EML6: variants seen among roughly 807,000 people sequenced by gnomAD.
EML6 encodes EMAP like 6.
EML6 carries 154 observed loss-of-function variants against 240.1 expected under a neutral mutation model. The ratio of observed to expected loss-of-function variants is 0.64; its 90% confidence interval spans 0.56 to 0.73. The LOEUF (loss-of-function observed/expected upper bound fraction) is 0.73, where lower values mean the gene tolerates loss of function less well. Ranked by LOEUF, EML6 falls within the 30% of genes least tolerant of loss-of-function variation. EML6 has a pLI of 0.00. For synonymous variants in EML6, 1,148 were observed against 899.0 expected (o/e 1.28, Z -4.95); for missense variants, 2,964 against 2,474.6 (o/e 1.20, Z -4.20).
rs150016939 is a variant in EML6, at chr2:54,858,306, C to T, written c.1658-1228C>T. On this transcript the variant is annotated intron_variant, in intron 11 of 41. Coordinates refer to ENST00000356458, the MANE Select transcript of EML6 (RefSeq NM_001039753.4). The stretch of plus-strand genomic sequence containing the variant: ...TTTATAACCTCCTCTTAGATGTCAG[C>T]TTCACTTTTGCCATATTCTGTTCAT... Among the ~76,000 whole-genome samples, 218 of 152,340 alleles carry T rather than the reference C, an allele frequency of 1.4e-3. 2 individuals are homozygous for T. The highest frequency in any genetic ancestry group is 5.0e-3 in the African/African-American group (209 of 41,572).
At chr2:54,939,786 G>A (rs1675335229) in intron 28 of EML6, among the ~76,000 whole-genome samples, 1 of 152,184 alleles carries the variant, frequency 6.6e-6, no homozygotes, top group South Asian at 2.1e-4. Context: ...ACAAGTCTAG[G>A]GGTGTGTCCC....
intron 17 of EML6, among the ~76,000 whole-genome samples, chr2:54,890,787 A>G (rs1477510709): frequency 6.6e-6 from 1 of 152,226 alleles, no homozygotes; most frequent in East Asian, 1.9e-4. Context: ...GAGACATTAC[A>G]ATATGTTTTA....
At chr2:54,964,543 G>A in intron 37 of EML6, 28 bp from the exon 38 acceptor site, 1 of 1,551,096 alleles carries the variant, frequency 6.4e-7, no homozygotes, top group Non-Finnish European at 8.7e-7. Flanking sequence ...CCTCCTCATG[G>A]ACTCTGCTCT....
At chr2:54,922,936 T>A (rs1161938184) in intron 26 of EML6, among the ~76,000 whole-genome samples, 7 of 65,058 alleles carry the variant, frequency 1.1e-4, no homozygotes, top group Admixed American at 3.0e-4. Context: ...GTATAAACTT[T>A]TTTTTTTTTT....
rs373511578 is a variant in EML6, at chr2:54,910,947, G to C, written c.3410-7G>C. ...AATTATCTCTCTACTTCGTTCTGTCGTAACAGGAAAATTATTGCAAGTGAA... is the reference window on the plus strand; with the variant it reads ...AATTATCTCTCTACTTCGTTCTGTCCTAACAGGAAAATTATTGCAAGTGAA... On this transcript the variant is annotated splice_polypyrimidine_tract_variant and splice_region_variant and intron_variant, in intron 24 of 41. Transcript: ENST00000356458. 42 of 1,506,812 alleles carry C rather than the reference G, an allele frequency of 2.8e-5. No homozygotes were observed. The highest frequency in any genetic ancestry group is 1.8e-4 in the Admixed American group (9 of 50,682). 93.3% of individuals were successfully genotyped at this position (1,506,812 alleles called of 1,614,324 possible).
At chr2:54,871,147 C>G (rs1184894565) in intron 15 of EML6, among the ~76,000 whole-genome samples, 1 of 152,194 alleles carries the variant, frequency 6.6e-6, no homozygotes, top group Non-Finnish European at 1.5e-5. Context: ...GTACAAGTGA[C>G]TTCCCTGACT....
Position 54,950,647 on chromosome 2 carries a change from C to T in EML6, c.4084-3C>T, listed in dbSNP as rs1463722885. 2.6e-6 allele frequency: 4 copies of T among 1,551,520 alleles called. No individual in the cohort carries two copies. The highest frequency in any genetic ancestry group is 2.4e-5 in the East Asian group (1 of 40,920). On this transcript the variant is annotated splice_polypyrimidine_tract_variant and splice_region_variant and intron_variant, in intron 29 of 41. Coordinates refer to ENST00000356458, the MANE Select transcript of EML6 (RefSeq NM_001039753.4). ...TCACATTGATCTGTGTGTGTGAATG[C>T]AGGAGCTGGCTCTAGACCACGTGTT...
rs1670217318 is a variant in EML6 at position 54,853,690 on chromosome 2, G to A, written c.1492G>A (p.Ala498Thr). 6.5e-7 allele frequency: 1 copy of A among 1,549,916 alleles called. No homozygotes were observed. Among genetic ancestry groups the A allele is most frequent in the African/African-American group, 1.4e-5 (1 of 73,022 alleles). Residue 498 changes from alanine to threonine, a missense_variant, in exon 11 of 42, where the codon GCC becomes ACC. Ala to Thr is a moderately conservative substitution (Grantham distance 58). Coordinates refer to ENST00000356458, the MANE Select transcript of EML6 (RefSeq NM_001039753.4). ...SKEEIKGIPW[A>T]SWTCVKGPEV... is the part of the protein sequence containing the mutation. Reference sequence around the variant, plus strand: ...AGAAGAAATTAAAGGGATTCCTTGGGCCTCCTGGACATGCGTGAAAGGCCC... The same window carrying A: ...AGAAGAAATTAAAGGGATTCCTTGGACCTCCTGGACATGCGTGAAAGGCCC...
chr2:54,881,694 C>T (rs13385373), intron 17 of EML6: 95,080 of 149,472 alleles, frequency 0.64, 30,908 homozygotes, highest in African/African-American at 0.75. Flanking sequence ...ATGATAGAAG[C>T]GACAACGAAG....
intron 11 of EML6, among the ~76,000 whole-genome samples, chr2:54,856,292 C>G (rs984183321): frequency 6.6e-6 from 1 of 152,172 alleles, no homozygotes; most frequent in African/African-American, 2.4e-5. Flanking sequence ...AAATCCAAGG[C>G]CTTGCTCAAT....
chr2:54,883,726 A>G (rs964361999), intron 17 of EML6, among the ~76,000 whole-genome samples: 13 of 152,328 alleles, frequency 8.5e-5, no homozygotes, highest in African/African-American at 2.6e-4. Context: ...ACACACATGC[A>G]CATGTGTGCA....
At chr2:54,821,576 A>G (rs1668336639) in intron 5 of EML6, among the ~76,000 whole-genome samples, 1 of 152,152 alleles carries the variant, frequency 6.6e-6, no homozygotes, top group Admixed American at 6.5e-5. Context: ...AATAATGACA[A>G]TAACTATGAA....
chr2:54,856,098 G>C (rs73938635), intron 11 of EML6, among the ~76,000 whole-genome samples: 17,578 of 152,200 alleles, frequency 0.12, 1,413 homozygotes, highest in African/African-American at 0.22. Context: ...TTAGACGTAA[G>C]TGTTCTGCAG....
At chr2:54,948,223 C>T (rs1675787779) in intron 28 of EML6, among the ~76,000 whole-genome samples, 1 of 152,158 alleles carries the variant, frequency 6.6e-6, no homozygotes, top group Non-Finnish European at 1.5e-5. Flanking sequence ...CCCCAGACCC[C>T]AAAACGGAGG....
intron 22 of EML6, among the ~76,000 whole-genome samples, chr2:54,901,915 A>G (rs1673076743): frequency 6.6e-6 from 1 of 152,248 alleles, no homozygotes; most frequent in Non-Finnish European, 1.5e-5. Flanking sequence ...CTCCTGATTC[A>G]GAAATGTCTT....
chr2:54,902,011 A>G (rs17046477), intron 22 of EML6, among the ~76,000 whole-genome samples: 22,057 of 152,216 alleles, frequency 0.14, 2,048 homozygotes, highest in South Asian at 0.29. Context: ...CCCTTGGGAG[A>G]ATGTTCAGAT....
intron 21 of EML6, 35 bp downstream of exon 21, chr2:54,895,435 A>C (rs1454153094): frequency 6.5e-7 from 1 of 1,549,568 alleles, no homozygotes; most frequent in Admixed American, 2.0e-5. Flanking sequence ...TGCAGTTCAC[A>C]TCAAGGCTGG....
chr2:54,772,169 G>A (rs1341670967), intron 2 of EML6, among the ~76,000 whole-genome samples: 2 of 152,208 alleles, frequency 1.3e-5, no homozygotes, highest in Non-Finnish European at 2.9e-5. Context: ...CCTGCTTTGT[G>A]CCAGACATTG....
intron 28 of EML6, among the ~76,000 whole-genome samples, chr2:54,942,835 C>T (rs1405131269): frequency 6.6e-6 from 1 of 152,164 alleles, no homozygotes; most frequent in Non-Finnish European, 1.5e-5. Context: ...TGATCTTCAT[C>T]AAGACAAATA....
Sources: gnomAD v4.1 joint callset for allele counts (sites outside exome capture counted in the v4.1 genomes callset) on GRCh38, gnomAD v4.1.1 for gene constraint, MANE v1.5 for transcripts, NCBI Gene and HGNC (gene_info 2026-07-23, HGNC 2026-07-21) for gene names.